Variants in CCDC91 observed in about 807,000 individuals in gnomAD.
CCDC91 encodes the protein coiled-coil domain-containing protein 91.
In CCDC91, 48 loss-of-function variants were observed where a neutral mutation model predicts 63.2. The observed-to-expected ratio is 0.76, with a 90% CI of 0.60 to 0.97. The LOEUF is 0.97. Among genes scored for constraint, CCDC91 ranks in the 50% least tolerant of loss-of-function variants. The pLI, the probability that CCDC91 is intolerant of heterozygous loss-of-function variation, is 0.00. For synonymous variants in CCDC91, 167 were observed against 165.8 expected (o/e 1.01, Z -0.06); for missense variants, 500 against 494.6 (o/e 1.01, Z -0.10).
intron 8 of CCDC91, among the ~76,000 whole-genome samples, chr12:28,416,313 TTC>T (rs1054530056): frequency 9.2e-5 from 14 of 152,264 alleles, no homozygotes; most frequent in African/African-American, 2.9e-4. Context: ...CTTAAACCAA[TTC>T]TGTCTTACCC....
intron 7 of CCDC91, among the ~76,000 whole-genome samples, chr12:28,385,029 CAT>C (rs1326111176): frequency 1.3e-5 from 2 of 151,844 alleles, no homozygotes; most frequent in East Asian, 1.9e-4. Context: ...AGAAAAAAAA[CAT>C]AAAAATATCT....
chr12:28,238,766 A>C (rs934035317), intron 1 of CCDC91, among the ~76,000 whole-genome samples: 4 of 152,174 alleles, frequency 2.6e-5, no homozygotes, highest in African/African-American at 9.6e-5. Context: ...GATATGCACC[A>C]GTAAACTTGG....
intron 6 of CCDC91, among the ~76,000 whole-genome samples, chr12:28,327,589 A>T (rs1941130372): frequency 6.6e-6 from 1 of 152,112 alleles, no homozygotes; most frequent in Non-Finnish European, 1.5e-5. Context: ...CATGGGCCAG[A>T]AGTCTCACAG....
At chr12:28,274,075 C>T (rs115236363) in intron 3 of CCDC91, among the ~76,000 whole-genome samples, 3,029 of 152,188 alleles carry the variant, frequency 0.02, 112 homozygotes, top group African/African-American at 0.067. Context: ...CTGGTTTTCC[C>T]GGCACCATTT....
intron 6 of CCDC91, among the ~76,000 whole-genome samples, chr12:28,333,720 G>A (rs1276710503): frequency 6.6e-6 from 1 of 152,100 alleles, no homozygotes; most frequent in East Asian, 1.9e-4. Flanking sequence ...CTTTATTGCA[G>A]CTTTAAATTT....
At chr12:28,457,376 A>G (rs573167164) in intron 11 of CCDC91, among the ~76,000 whole-genome samples, 4 of 151,824 alleles carry the variant, frequency 2.6e-5, no homozygotes, top group African/African-American at 9.7e-5. Context: ...CACAGCACTC[A>G]AATGTTCTTT....
At chr12:28,265,579 G>T (rs1236903482) in intron 3 of CCDC91, among the ~76,000 whole-genome samples, 1 of 151,864 alleles carries the variant, frequency 6.6e-6, no homozygotes, top group Non-Finnish European at 1.5e-5. Flanking sequence ...GGAAAACCTA[G>T]GACAACAGAT....
At chr12:28,353,479 A>G (rs1378496440) in intron 6 of CCDC91, among the ~76,000 whole-genome samples, 1 of 152,112 alleles carries the variant, frequency 6.6e-6, no homozygotes, top group Non-Finnish European at 1.5e-5. Flanking sequence ...ACTAAGGTTA[A>G]TTATTTCTAG....
chr12:28,302,106 T>A (rs1337739502), intron 3 of CCDC91, among the ~76,000 whole-genome samples: 10 of 151,986 alleles, frequency 6.6e-5, no homozygotes, highest in Non-Finnish European at 1.5e-4. Flanking sequence ...GAGCTCGGAA[T>A]TTAATTCATT....
chr12:28,255,849 A>G (rs550696734), intron 1 of CCDC91: 15 of 152,098 alleles, frequency 9.9e-5, no homozygotes, highest in African/African-American at 2.2e-4. Flanking sequence ...TTCTTTGACA[A>G]TTTTTTGAAT....
chr12:28,392,353 C>T (rs1945999607), intron 8 of CCDC91, among the ~76,000 whole-genome samples: 1 of 152,146 alleles, frequency 6.6e-6, no homozygotes. Flanking sequence ...TTATATTTTA[C>T]TCATGCTACA....
chr12:28,522,173 T>A (rs987505475), intron 12 of CCDC91, among the ~76,000 whole-genome samples: 1 of 152,208 alleles, frequency 6.6e-6, no homozygotes, highest in African/African-American at 2.4e-5. Context: ...GTACCTCTGG[T>A]AGAATTCGGC....
chr12:28,376,410 A>G (rs1592479451), intron 7 of CCDC91, among the ~76,000 whole-genome samples: 1 of 151,822 alleles, frequency 6.6e-6, no homozygotes, highest in Non-Finnish European at 1.5e-5. Context: ...TGTTTTTAAT[A>G]CTTAAGAAAA....
rs116411861 is a variant in CCDC91, at chr12:28,367,459, A to G, written c.654+4944A>G. Among the ~76,000 whole-genome samples, 1,106 of 152,328 alleles carry G rather than the reference A, an allele frequency of 7.3e-3. 17 individuals carry two copies. The highest frequency in any genetic ancestry group is 0.026 in the African/African-American group (1,078 of 41,574). The stretch of plus-strand genomic sequence containing the variant: ...AATTCGAACAGTATAGAGAAAACAA[A>G]CTGAAAACAAATGAATAGGGGTTTA... On this transcript the variant is annotated intron_variant, in intron 7 of 12. Transcript: ENST00000536442.
At chr12:28,539,692 A>G (rs1942483469) in intron 12 of CCDC91, among the ~76,000 whole-genome samples, 1 of 152,146 alleles carries the variant, frequency 6.6e-6, no homozygotes, top group Non-Finnish European at 1.5e-5. Context: ...TGTTTACAAG[A>G]AGTAGGGATG....
At chr12:28,548,755 A>G (rs923224253) in intron 12 of CCDC91, among the ~76,000 whole-genome samples, 12 of 152,172 alleles carry the variant, frequency 7.9e-5, no homozygotes, top group Non-Finnish European at 1.6e-4. Context: ...GGTTGCGTAT[A>G]TACACTAAGA....
intron 12 of CCDC91, among the ~76,000 whole-genome samples, chr12:28,530,255 G>A (rs1309376421): frequency 6.6e-6 from 1 of 152,128 alleles, no homozygotes; most frequent in East Asian, 1.9e-4. Context: ...CTCACTTTTG[G>A]AACCAGCCAC....
At chr12:28,441,072 AAAAAAAAAAAAAG>A (rs1417608084) in intron 8 of CCDC91, among the ~76,000 whole-genome samples, 2 of 26,614 alleles carry the variant, frequency 7.5e-5, no homozygotes, top group Non-Finnish European at 1.7e-4. Context: ...AAAAAAAAAA[AAAAAAAAAAAAAG>A]AAAAGAAAAA....
At chr12:28,306,279 A>G (rs906869843) in intron 4 of CCDC91, among the ~76,000 whole-genome samples, 2 of 152,088 alleles carry the variant, frequency 1.3e-5, no homozygotes, top group African/African-American at 4.8e-5. Context: ...GGTAGTCCCA[A>G]TTTCTAAAGT....
Sources: gnomAD v4.1 joint callset for allele counts (sites outside exome capture counted in the v4.1 genomes callset) on GRCh38, gnomAD v4.1.1 for gene constraint, MANE v1.5 for transcripts, NCBI Gene and HGNC (gene_info 2026-07-23, HGNC 2026-07-21) for gene names.